The following TMEM178A variants were observed in gnomAD, a reference collection of about 807,000 sequenced individuals.
TMEM178A encodes the protein transmembrane protein 178A, also known as transmembrane protein 178.
In TMEM178A, 12 loss-of-function variants were observed where a neutral mutation model predicts 29.1. That is an observed-to-expected ratio of 0.41 (90% CI 0.26 to 0.67). TMEM178A has a LOEUF of 0.67. Ranked by LOEUF, TMEM178A falls within the 30% of genes least tolerant of loss-of-function variation. The probability of loss-of-function intolerance (pLI) is 0.29; values close to 1 mark genes in which losing one functional copy is unlikely to be tolerated. For missense variants in TMEM178A, 366 were observed against 419.1 expected (o/e 0.87, Z 1.11); for synonymous variants, 210 against 187.2 (o/e 1.12, Z -0.99).
chr2:39,683,262 G>A (rs1473955439), intron 1 of TMEM178A, among the ~76,000 whole-genome samples: 4 of 152,028 alleles, frequency 2.6e-5, no homozygotes, highest in Non-Finnish European at 4.4e-5. Flanking sequence ...CTCCTCCATC[G>A]TCCGTCCCCA....
At chr2:39,671,115 C>G (rs1670391962) in intron 1 of TMEM178A, among the ~76,000 whole-genome samples, 1 of 152,194 alleles carries the variant, frequency 6.6e-6, no homozygotes, top group South Asian at 2.1e-4. Flanking sequence ...CATTTTTCCT[C>G]TAATGAGATA....
intron 1 of TMEM178A, among the ~76,000 whole-genome samples, chr2:39,688,822 C>A (rs1461874385): frequency 1.3e-5 from 2 of 152,166 alleles, no homozygotes; most frequent in African/African-American, 2.4e-5. Flanking sequence ...AGAACAGATT[C>A]TCTTTGTAGA....
intron 2 of TMEM178A, among the ~76,000 whole-genome samples, chr2:39,704,714 A>C (rs111821814): frequency 3.3e-5 from 5 of 152,316 alleles, no homozygotes; most frequent in African/African-American, 7.2e-5. Flanking sequence ...AAACTCTAGA[A>C]AGCATCATGC....
intron 1 of TMEM178A, among the ~76,000 whole-genome samples, chr2:39,692,312 C>T (rs1671348859): frequency 6.6e-6 from 1 of 152,106 alleles, no homozygotes; most frequent in Non-Finnish European, 1.5e-5. Context: ...GAGGGTACAA[C>T]TTAAGTGTTC....
At chr2:39,734,638 C>G in the TMEM178A span, among the ~76,000 whole-genome samples, 1 of 152,238 alleles carries the variant, frequency 6.6e-6, no homozygotes, top group African/African-American at 2.4e-5. Context: ...CTAAAACTGT[C>G]TAGCAAGCAA....
chr2:39,731,439 T>A, the TMEM178A span, among the ~76,000 whole-genome samples: 7 of 152,196 alleles, frequency 4.6e-5, no homozygotes, highest in Admixed American at 1.3e-4. Context: ...GCTCAAAATA[T>A]GGCAGAGAAG....
intron 1 of TMEM178A, among the ~76,000 whole-genome samples, chr2:39,698,472 A>G (rs1228382829): frequency 6.6e-6 from 1 of 152,176 alleles, no homozygotes; most frequent in African/African-American, 2.4e-5. Flanking sequence ...ATTGATTTTA[A>G]TATATTGAAA....
chr2:39,703,952 G>A (rs1182335805), intron 1 of TMEM178A, 129 bp from the exon 2 acceptor site: 1 of 656,182 alleles, frequency 1.5e-6, no homozygotes, highest in East Asian at 2.7e-5. Context: ...GGTTTTTATT[G>A]CTCTGAATCA....
intron 3 of TMEM178A, among the ~76,000 whole-genome samples, chr2:39,708,272 C>CTCCT (rs1049097033): frequency 1.1e-4 from 17 of 151,878 alleles, no homozygotes; most frequent in African/African-American, 4.1e-4. Context: ...GAGTGAGGGA[C>CTCCT]AGGATAGTAT....
At chr2:39,692,330 A>G (rs1371854789) in intron 1 of TMEM178A, among the ~76,000 whole-genome samples, 1 of 152,226 alleles carries the variant, frequency 6.6e-6, no homozygotes, top group African/African-American at 2.4e-5. Context: ...TTCTCACTAC[A>G]CACACCCACA....
downstream of TMEM178A, among the ~76,000 whole-genome samples, chr2:39,722,530 C>G (rs1468947469): frequency 1.3e-5 from 2 of 152,112 alleles, no homozygotes; most frequent in Non-Finnish European, 2.9e-5. Context: ...CATCTAAGAC[C>G]TGAAGATAGT....
chr2:39,689,645 G>A (rs1034791335), intron 1 of TMEM178A, among the ~76,000 whole-genome samples: 4 of 152,198 alleles, frequency 2.6e-5, no homozygotes, highest in African/African-American at 9.6e-5. Context: ...GAGCTGGATG[G>A]TGGTGATGGG....
chr2:39,690,610 G>T (rs1206774024), intron 1 of TMEM178A, among the ~76,000 whole-genome samples: 1 of 152,144 alleles, frequency 6.6e-6, no homozygotes, highest in Non-Finnish European at 1.5e-5. Flanking sequence ...CCCTATACCA[G>T]TCAGTAAAGA....
At chr2:39,701,055 A>T (rs4365444) in intron 1 of TMEM178A, among the ~76,000 whole-genome samples, 64,627 of 151,964 alleles carry the variant, frequency 0.43, 14,418 homozygotes, top group East Asian at 0.75. Context: ...TTGCTTTATG[A>T]CTTTTAAATC....
At chr2:39,713,635 C>T (rs1005181345) in intron 3 of TMEM178A, among the ~76,000 whole-genome samples, 1 of 152,156 alleles carries the variant, frequency 6.6e-6, no homozygotes, top group South Asian at 2.1e-4. Context: ...AAAAGCCAAC[C>T]CCGCTGACAC....
chr2:39,691,093 T>C (rs757414068), intron 1 of TMEM178A, among the ~76,000 whole-genome samples: 3 of 152,108 alleles, frequency 2.0e-5, no homozygotes, highest in Non-Finnish European at 4.4e-5. Context: ...ACATATGGGA[T>C]AGTATCAGAC....
At position 39,717,728 on chromosome 2, in the gene TMEM178A, A is replaced by G. The variant is rs1672607572; in HGVS notation, c.*477A>G. On this transcript the variant is annotated 3_prime_UTR_variant, in exon 4 of 4. Coordinates refer to ENST00000281961, the MANE Select transcript of TMEM178A (RefSeq NM_152390.3). Reference sequence around the variant, plus strand: ...TTGTGTCAGCACCAAATATTTGTGCATTATTTGTGGACGTTCCTTGTCACA... The same window carrying G: ...TTGTGTCAGCACCAAATATTTGTGCGTTATTTGTGGACGTTCCTTGTCACA... 1 of 151,252 alleles carries G rather than the reference A, an allele frequency of 6.6e-6. No homozygotes were observed. The highest frequency in any genetic ancestry group is 2.1e-4 in the South Asian group (1 of 4,842). 9.4% of individuals were successfully genotyped at this position (151,252 alleles called of 1,614,324 possible).
At chr2:39,682,127 A>G (rs1312524106) in intron 1 of TMEM178A, among the ~76,000 whole-genome samples, 1 of 152,260 alleles carries the variant, frequency 6.6e-6, no homozygotes, top group Non-Finnish European at 1.5e-5. Flanking sequence ...ATCAGGAAGT[A>G]CAGAATGAGT....
intron 1 of TMEM178A, among the ~76,000 whole-genome samples, chr2:39,682,127 A>T (rs1312524106): frequency 3.3e-5 from 5 of 152,260 alleles, no homozygotes; most frequent in Non-Finnish European, 7.3e-5. Context: ...ATCAGGAAGT[A>T]CAGAATGAGT....
Sources: gnomAD v4.1 joint callset for allele counts (sites outside exome capture counted in the v4.1 genomes callset) on GRCh38, gnomAD v4.1.1 for gene constraint, MANE v1.5 for transcripts, NCBI Gene and HGNC (gene_info 2026-07-23, HGNC 2026-07-21) for gene names.